SUPT6H: variants seen among roughly 807,000 people sequenced by gnomAD.
SUPT6H encodes transcription elongation factor SPT6.
SUPT6H carries 11 observed loss-of-function variants against 222.3 expected under a neutral mutation model. The observed-to-expected ratio is 0.05, with a 90% confidence interval of 0.03 to 0.08. The LOEUF is 0.08. SUPT6H is among the 10% of genes least tolerant of loss of function. The pLI is 1.00. For missense variants in SUPT6H, 1,422 were observed against 2,216.0 expected, an observed-to-expected ratio of 0.64 and a Z score of 7.19; for synonymous variants, 762 against 801.2, an observed-to-expected ratio of 0.95 and a Z score of 0.83.
In SUPT6H at chr17:28,673,474, C is replaced by G; in HGVS notation, c.73C>G (p.Arg25Gly). 6.2e-7 allele frequency: 1 copy of G among 1,613,600 alleles called. No individual in the cohort carries two copies. The highest frequency in any genetic ancestry group is 8.5e-7 in the Non-Finnish European group (1 of 1,179,944). The change falls in exon 2 of 37, where the codon CGA becomes GGA. Residue 25 changes from arginine to glycine, a missense_variant. This residue lies in a region of SUPT6H where 89 missense variants were observed against 118.9 expected (regional missense o/e 0.75). Transcript: ENST00000314616. ...EYNDEGEVVP[R>G]VTKKFVEEED... ...CAATGATGAAGGCGAGGTGGTACCC[C>G]GAGTCACCAAGAAATTTGTGGAAGA...
chr17:28,676,112 C>A, intron 6 of SUPT6H, 45 bp from the exon 7 acceptor site: 2 of 1,539,102 alleles, frequency 1.3e-6, no homozygotes, highest in Non-Finnish European at 1.7e-6. Context: ...CATTTCTCTC[C>A]TCTCACCTGA....
chr17:28,670,037 T>G (rs2030323128), intron 1 of SUPT6H: 1 of 152,230 alleles, frequency 6.6e-6, no homozygotes, highest in Admixed American at 6.5e-5. Flanking sequence ...TGTTTTTGCA[T>G]TCAGTCTGTT....
At chr17:28,699,387 C>G (rs1302993948) in intron 32 of SUPT6H, among the ~76,000 whole-genome samples, 1 of 152,222 alleles carries the variant, frequency 6.6e-6, no homozygotes, top group Non-Finnish European at 1.5e-5. Flanking sequence ...CAGACTACCA[C>G]CTTCCACAGC....
chr17:28,695,264 G>A, intron 28 of SUPT6H, 88 bp from the exon 29 acceptor site: 1 of 1,390,818 alleles, frequency 7.2e-7, no homozygotes, highest in Non-Finnish European at 9.8e-7. Flanking sequence ...ACACCTTTCT[G>A]CCTGGACTTT....
At chr17:28,696,724 GC>G (rs1209927001) in intron 29 of SUPT6H, 119 bp from the exon 30 acceptor site, 16 of 914,434 alleles carry the variant, frequency 1.7e-5, no homozygotes, top group Non-Finnish European at 2.6e-5. Flanking sequence ...TGGCACTCCA[GC>G]CCAGATGACA....
At chr17:28,668,561 C>T (rs530034483) in intron 1 of SUPT6H, among the ~76,000 whole-genome samples, 2 of 152,328 alleles carry the variant, frequency 1.3e-5, no homozygotes, top group South Asian at 4.1e-4. Flanking sequence ...ACACAGCTAT[C>T]TTTCCAAGCT....
Position 28,684,967 on chromosome 17 carries a change from T to C in SUPT6H, c.2487+6T>C. ...AGGAAGAGCGGGAAAAGAAGGCAAG[T>C]GGCTAGGACGAGGATACTAAGTGTA... On this transcript the variant is annotated splice_donor_region_variant and intron_variant, in intron 19 of 36. Coordinates refer to ENST00000314616, the MANE Select transcript of SUPT6H (RefSeq NM_003170.5). The C allele has an allele frequency of 6.2e-7, 1 of 1,611,922 alleles. No individual in the cohort carries two copies. The highest frequency in any genetic ancestry group is 8.5e-7 in the Non-Finnish European group (1 of 1,178,604).
At chr17:28,676,048 C>A in intron 6 of SUPT6H, 109 bp from the exon 7 acceptor site, 3 of 1,290,564 alleles carry the variant, frequency 2.3e-6, no homozygotes, top group Middle Eastern at 4.3e-4. Context: ...TGTTTACCTT[C>A]CTCCTAACCC....
chr17:28,669,403 C>A (rs1293412328), intron 1 of SUPT6H, among the ~76,000 whole-genome samples: 2 of 152,198 alleles, frequency 1.3e-5, no homozygotes, highest in African/African-American at 2.4e-5. Flanking sequence ...GTTGGCCAGG[C>A]TGGTCTCAAA....
rs139899417 is a variant in SUPT6H at position 28,683,384 on chromosome 17, C to T, written c.1995C>T (p.Leu665=). 3.5e-5 allele frequency: 57 copies of T among 1,614,046 alleles called. No individual in the cohort carries two copies. Among genetic ancestry groups the T allele is most frequent in the Non-Finnish European group, 4.5e-5 (53 of 1,180,044 alleles). ...KICLAEDEGL[L]TTDISIDLKG... The stretch of plus-strand genomic sequence containing the variant: ...GCCTGGCTGAAGACGAAGGGCTCCT[C>T]ACCACTGACATCAGCATAGATTTGA... The change falls in exon 16 of 37, where the codon CTC becomes CTT. Residue 665 remains leucine (L), a synonymous_variant. Coordinates refer to ENST00000314616, the MANE Select transcript of SUPT6H (RefSeq NM_003170.5).
Position 28,697,651 on chromosome 17 carries a change from G to T in SUPT6H, c.4241G>T (p.Arg1414Leu). 1 of 1,614,166 alleles carries T rather than the reference G, an allele frequency of 6.2e-7. No individual in the cohort carries two copies. Among genetic ancestry groups the T allele is most frequent in the Non-Finnish European group, 8.5e-7 (1 of 1,180,020 alleles). Residue 1414 changes from arginine to leucine, a missense_variant, in exon 31 of 37, where the codon CGC becomes CTC. Around this residue, in one of 13 missense-constraint regions of SUPT6H, gnomAD observed 395 missense variants for 580.6 expected, o/e 0.68. Transcript: ENST00000314616. ...GAAGATTTGGATGAGATTGTTGCTC[G>T]CTATGTCCAGCCCATGGCATCCTTT... Reference protein sequence around the residue: ...EFEDLDEIVARYVQPMASFAR... With the variant: ...EFEDLDEIVALYVQPMASFAR...
intron 29 of SUPT6H, among the ~76,000 whole-genome samples, chr17:28,695,917 C>T (rs948037618): frequency 6.6e-6 from 1 of 152,130 alleles, no homozygotes; most frequent in African/African-American, 2.4e-5. Context: ...TAGCCCTGCA[C>T]TTTGGGAGGC....
rs751766721 is a variant in SUPT6H at position 28,687,507 on chromosome 17, G to T, written c.3006+36G>T. On this transcript the variant is annotated intron_variant, in intron 23 of 36. Coordinates refer to ENST00000314616, the MANE Select transcript of SUPT6H (RefSeq NM_003170.5). ...AGTGAATTCAGAAATTTTAAAACTTGCCATTTCATTGAATATGAATATATA... is the reference window on the plus strand; with the variant it reads ...AGTGAATTCAGAAATTTTAAAACTTTCCATTTCATTGAATATGAATATATA... 10 of 1,603,572 alleles carry T rather than the reference G, an allele frequency of 6.2e-6. No individual in the cohort carries two copies. In the Admixed American group the frequency reaches 1.5e-4, roughly 24 times the overall value.
chr17:28,697,583 G>A (rs2151664076), intron 30 of SUPT6H, 37 bp from the exon 31 acceptor site: 1 of 1,543,394 alleles, frequency 6.5e-7, no homozygotes, highest in Non-Finnish European at 8.9e-7. Flanking sequence ...TCTCAGCTCT[G>A]GATATGACAC....
chr17:28,693,566 C>T, intron 27 of SUPT6H, 130 bp from the exon 28 acceptor site: 3 of 1,102,796 alleles, frequency 2.7e-6, no homozygotes, highest in Non-Finnish European at 3.9e-6. Context: ...ATGACTAAGT[C>T]ATTGTGTTTT....
Position 28,695,349 on chromosome 17 carries a change from T to C in SUPT6H, c.3775-3T>C. On this transcript the variant is annotated splice_region_variant and splice_polypyrimidine_tract_variant and intron_variant, in intron 28 of 36. Coordinates refer to ENST00000314616, the MANE Select transcript of SUPT6H (RefSeq NM_003170.5). ...TTCCAGCTCAAATGTTCTGTGGATC[T>C]AGGTGGGAATGACTGTTCACTGCCG... 1 of 1,612,502 alleles carries C rather than the reference T, an allele frequency of 6.2e-7. No homozygotes were observed. The highest frequency in any genetic ancestry group is 8.5e-7 in the Non-Finnish European group (1 of 1,178,922).
At chr17:28,664,599 T>C (rs1044893629) in intron 1 of SUPT6H, among the ~76,000 whole-genome samples, 1 of 152,244 alleles carries the variant, frequency 6.6e-6, no homozygotes, top group Non-Finnish European at 1.5e-5. Flanking sequence ...ATGGCTTTAA[T>C]TACCACCTGA....
In SUPT6H at chr17:28,700,222, T is replaced by C. The variant is rs761165884; in HGVS notation, c.4611T>C (p.Asn1537=). The C allele has an allele frequency of 6.2e-7, 1 of 1,614,210 alleles. No individual in the cohort carries two copies. The highest frequency in any genetic ancestry group is 2.2e-5 in the East Asian group (1 of 44,890). Residue 1537 remains asparagine (N), a synonymous_variant, in exon 34 of 37, where the codon AAT becomes AAC. Transcript: ENST00000314616. Reference sequence around the variant, plus strand: ...GGACCCGGACACCTGCCTCTATCAATGCTACCCCAGCCAACATCAACCTTG... The same window carrying C: ...GGACCCGGACACCTGCCTCTATCAACGCTACCCCAGCCAACATCAACCTTG... ...SSRTRTPASI[N]ATPANINLAD...
chr17:28,678,178 A>G lies in SUPT6H; in HGVS notation c.1102A>G (p.Asn368Asp). The change falls in exon 9 of 37, where the codon AAT (asparagine) becomes GAT (aspartate). Residue 368 changes from asparagine to aspartate, a missense_variant. Around this residue, in one of 13 missense-constraint regions of SUPT6H, gnomAD observed 389 missense variants for 544.6 expected, o/e 0.71. Transcript: ENST00000314616. Reference protein sequence around the residue: ...KIKEALGFMRNQHFEVPFIAF... With the variant: ...KIKEALGFMRDQHFEVPFIAF... ...CAAAGAGGCCCTGGGCTTCATGCGA[A>G]ATCAGCATTTTGAGGTAACACCTCA... 6.2e-7 allele frequency: 1 copy of G among 1,608,244 alleles called. No individual in the cohort carries two copies. The highest frequency in any genetic ancestry group is 8.5e-7 in the Non-Finnish European group (1 of 1,178,604).
Sources: gnomAD v4.1 joint callset for allele counts (sites outside exome capture counted in the v4.1 genomes callset) on GRCh38, gnomAD v4.1.1 for gene constraint, gnomAD v4.1.1 regional missense constraint, MANE v1.5 for transcripts, NCBI Gene and HGNC (gene_info 2026-07-23, HGNC 2026-07-21) for gene names.